Variants in WWP2 observed in about 807,000 individuals in gnomAD.
WWP2 encodes the protein WW domain containing E3 ubiquitin protein ligase 2.
Under a neutral mutation model 121.0 loss-of-function variants are expected in WWP2, and 57 were observed. That is an observed-to-expected ratio of 0.47 (90% CI 0.38 to 0.59). WWP2 has a LOEUF of 0.59. Among genes scored for constraint, WWP2 ranks in the 20% least tolerant of loss-of-function variants. The probability of loss-of-function intolerance (pLI) is 0.00; values close to 1 mark genes in which losing one functional copy is unlikely to be tolerated. For synonymous variants in WWP2, 449 were observed against 441.3 expected (o/e 1.02, Z -0.22); for missense variants, 962 against 1,158.9 (o/e 0.83, Z 2.47).
At chr16:69,910,453 G>A in intron 9 of WWP2, 4 of 801,900 alleles carry the variant, frequency 5.0e-6, no homozygotes, top group Non-Finnish European at 6.0e-6. Flanking sequence ...CTGTTGCCCA[G>A]GCTGGAGTGC....
At chr16:69,816,691 A>G (rs1567682142) in intron 4 of WWP2, among the ~76,000 whole-genome samples, 1 of 152,136 alleles carries the variant, frequency 6.6e-6, no homozygotes, top group African/African-American at 2.4e-5. Flanking sequence ...ATGTATATAC[A>G]TATACACACG....
At chr16:69,849,482 T>TATTTATTCATTCATTCATTC (rs1555553863) in intron 6 of WWP2, among the ~76,000 whole-genome samples, 15 of 149,664 alleles carry the variant, frequency 1.0e-4, no homozygotes, top group African/African-American at 2.7e-4. Flanking sequence ...TTTATTTATT[T>TATTTATTCATTCATTCATTC]ATTCATTCAT....
intron 4 of WWP2, among the ~76,000 whole-genome samples, chr16:69,815,214 G>A (rs1205147670): frequency 6.6e-6 from 1 of 152,038 alleles, no homozygotes; most frequent in Non-Finnish European, 1.5e-5. Context: ...TGTTGGCCAG[G>A]CTAGTCTCAA....
At chr16:69,933,035 T>G in intron 16 of WWP2, 1 of 481,644 alleles carries the variant, frequency 2.1e-6, no homozygotes, top group Non-Finnish European at 4.3e-6. Context: ...GGTGACCTCC[T>G]CTCCAGGCTC....
rs985910304 is a variant in WWP2, at chr16:69,841,856, C to T, written c.479-168C>T. Among the ~76,000 whole-genome samples, 8 of 152,250 alleles carry T rather than the reference C, an allele frequency of 5.3e-5. No homozygotes were observed. In the South Asian group the frequency reaches 6.2e-4, roughly 12 times the overall value. Reference sequence around the variant, plus strand: ...ATGGCATGGATCGGATCCATATGATCGTCCCTGTTCCTCTTCTCCTGGTGG... The same window carrying T: ...ATGGCATGGATCGGATCCATATGATTGTCCCTGTTCCTCTTCTCCTGGTGG... On this transcript the variant is annotated intron_variant, in intron 5 of 23. Transcript: ENST00000359154.
chr16:69,861,506 C>T (rs2057419928), intron 6 of WWP2, among the ~76,000 whole-genome samples: 1 of 152,144 alleles, frequency 6.6e-6, no homozygotes, highest in African/African-American at 2.4e-5. Flanking sequence ...TTTTTACCTT[C>T]CCTGTCATTT....
intron 6 of WWP2, among the ~76,000 whole-genome samples, chr16:69,852,766 G>C (rs1261127522): frequency 6.6e-6 from 1 of 152,154 alleles, no homozygotes; most frequent in Non-Finnish European, 1.5e-5. Flanking sequence ...TTTTCTCCCA[G>C]TCTGCGGCTT....
intron 5 of WWP2, among the ~76,000 whole-genome samples, chr16:69,841,207 T>C (rs2056971143): frequency 6.6e-6 from 1 of 152,234 alleles, no homozygotes; most frequent in Admixed American, 6.5e-5. Context: ...CAGGGGAAGT[T>C]AGATATCAAA....
intron 2 of WWP2, among the ~76,000 whole-genome samples, chr16:69,797,039 A>G (rs1218905446): frequency 6.6e-6 from 1 of 152,244 alleles, no homozygotes; most frequent in African/African-American, 2.4e-5. Context: ...GCAAGGGAGC[A>G]TCAGTTGTAT....
intron 9 of WWP2, among the ~76,000 whole-genome samples, chr16:69,912,375 A>T (rs2058393052): frequency 4.1e-5 from 1 of 24,654 alleles, no homozygotes; most frequent in Non-Finnish European, 7.0e-5. Context: ...AGATTCACAC[A>T]CACACACACA....
At chr16:69,868,889 TTTG>T (rs770369193) in intron 6 of WWP2, among the ~76,000 whole-genome samples, 6 of 152,118 alleles carry the variant, frequency 3.9e-5, no homozygotes, top group South Asian at 4.1e-4. Context: ...TTGACAGCTT[TTTG>T]TTGTTGTTGT....
At chr16:69,928,411 C>A (rs1312504141) in intron 11 of WWP2, among the ~76,000 whole-genome samples, 1 of 151,932 alleles carries the variant, frequency 6.6e-6, no homozygotes, top group Non-Finnish European at 1.5e-5. Context: ...CCTTTCAATC[C>A]CTCTCAAGGT....
intron 4 of WWP2, among the ~76,000 whole-genome samples, chr16:69,813,473 G>GT (rs930082888): frequency 4.6e-5 from 7 of 151,318 alleles, no homozygotes; most frequent in African/African-American, 1.5e-4. Flanking sequence ...TTTTTTTGTT[G>GT]TTTTTTAAAT....
intron 8 of WWP2, among the ~76,000 whole-genome samples, chr16:69,899,120 G>A (rs2058155733): frequency 6.6e-6 from 1 of 152,162 alleles, no homozygotes; most frequent in African/African-American, 2.4e-5. Flanking sequence ...GCCTTTTATT[G>A]TACAAGAGTT....
chr16:69,882,201 T>C (rs8044876), intron 7 of WWP2, among the ~76,000 whole-genome samples: 97,152 of 149,790 alleles, frequency 0.65, 31,831 homozygotes, highest in East Asian at 0.94. Context: ...GGTGATTCAC[T>C]TGCCTCGGCC....
At chr16:69,854,221 C>G (rs1231694846) in intron 6 of WWP2, among the ~76,000 whole-genome samples, 1 of 152,210 alleles carries the variant, frequency 6.6e-6, no homozygotes, top group African/African-American at 2.4e-5. Context: ...AAATGACTTT[C>G]TAGTCTTGAG....
chr16:69,931,471 A>T, intron 14 of WWP2, 38 bp from the exon 15 acceptor site: 1 of 1,610,462 alleles, frequency 6.2e-7, no homozygotes, highest in Non-Finnish European at 8.5e-7. Flanking sequence ...TGACCACTTG[A>T]GGCTCGATTT....
intron 1 of WWP2, among the ~76,000 whole-genome samples, chr16:69,782,008 C>T (rs371768791): frequency 4.6e-5 from 7 of 152,116 alleles, no homozygotes; most frequent in Admixed American, 2.6e-4. Flanking sequence ...CGGAGCCGGG[C>T]GAGGTGGCTC....
chr16:69,925,222 G>C lies in WWP2; in HGVS notation c.1180-208G>C, dbSNP rs2151982183. ...ACTCACTTGGGCCCTCCGTGCGCAG[G>C]GTTCTTTTTTGGTTTTTCTGTAAAA... On this transcript the variant is annotated intron_variant, in intron 10 of 23. Coordinates refer to ENST00000359154, the MANE Select transcript of WWP2 (RefSeq NM_001270454.2). The surrounding 1 kb of genome is among the most constrained non-coding windows in gnomAD (Gnocchi z 4.0). 2 of 1,430,678 alleles carry C rather than the reference G, an allele frequency of 1.4e-6. No individual in the cohort carries two copies. Among genetic ancestry groups the C allele is most frequent in the Non-Finnish European group, 1.8e-6 (2 of 1,093,374 alleles). 88.6% of individuals were successfully genotyped at this position (1,430,678 alleles called of 1,614,324 possible).
Sources: gnomAD v4.1 joint callset for allele counts (sites outside exome capture counted in the v4.1 genomes callset) on GRCh38, gnomAD v4.1.1 for gene constraint, Gnocchi (gnomAD v3.1) non-coding constraint, MANE v1.5 for transcripts, NCBI Gene and HGNC (gene_info 2026-07-23, HGNC 2026-07-21) for gene names.